The following SRGAP3 variants were observed in gnomAD, a reference collection of about 807,000 sequenced individuals.
SRGAP3 encodes the protein SLIT-ROBO Rho GTPase activating protein 3.
Under a neutral mutation model 121.1 loss-of-function variants are expected in SRGAP3, and 39 were observed. The ratio of observed to expected loss-of-function variants is 0.32; its 90% confidence interval spans 0.25 to 0.42. The LOEUF is 0.42. Among genes scored for constraint, SRGAP3 ranks in the 10% least tolerant of loss-of-function variants. SRGAP3 has a pLI of 1.00. For synonymous variants in SRGAP3, 601 were observed against 570.0 expected (o/e 1.05, Z -0.77); for missense variants, 1,213 against 1,470.6 (o/e 0.82, Z 2.86).
intron 2 of SRGAP3, among the ~76,000 whole-genome samples, chr3:9,108,180 G>C (rs964982720): frequency 1.3e-5 from 2 of 152,146 alleles, no homozygotes; most frequent in African/African-American, 4.8e-5. Context: ...AACCTGTCCT[G>C]TACACTAGAA....
chr3:9,343,320 G>C (rs1286757040), intron 1 of SRGAP3, among the ~76,000 whole-genome samples: 1 of 152,098 alleles, frequency 6.6e-6, no homozygotes, highest in East Asian at 1.9e-4. Context: ...AGTCCTCGTA[G>C]GGCTGTTGAA....
chr3:9,006,950 G>C (rs1180212586), intron 18 of SRGAP3: 1 of 139,302 alleles, frequency 7.2e-6, no homozygotes, highest in Non-Finnish European at 1.5e-5. Context: ...GTTGGGTATA[G>C]AATCTTTTTT....
At chr3:9,221,976 A>C (rs1271596911) in intron 1 of SRGAP3, among the ~76,000 whole-genome samples, 1 of 152,200 alleles carries the variant, frequency 6.6e-6, no homozygotes, top group Non-Finnish European at 1.5e-5. Flanking sequence ...CCAGGGCAGG[A>C]CTGTAGTAGC....
intron 12 of SRGAP3, among the ~76,000 whole-genome samples, chr3:9,029,504 C>T (rs577862649): frequency 6.6e-6 from 1 of 152,260 alleles, no homozygotes; most frequent in African/African-American, 2.4e-5. Flanking sequence ...TGATTATGAA[C>T]CCAGGGGATG....
chr3:9,210,820 A>C (rs1952422213), intron 1 of SRGAP3, among the ~76,000 whole-genome samples: 1 of 152,140 alleles, frequency 6.6e-6, no homozygotes, highest in Non-Finnish European at 1.5e-5. Flanking sequence ...ACAGAGCGAG[A>C]CTCTGTCTCA....
chr3:9,159,985 T>G (rs903854909), intron 1 of SRGAP3, among the ~76,000 whole-genome samples: 3 of 152,214 alleles, frequency 2.0e-5, no homozygotes, highest in Non-Finnish European at 2.9e-5. Flanking sequence ...TGCCTCAGGA[T>G]GCTTTCCAAA....
rs550533207 is a variant in SRGAP3, at chr3:9,006,799, G to A, written c.2227+3509C>T. On this transcript the variant is annotated intron_variant, in intron 18 of 21. Transcript: ENST00000383836. Reference sequence around the variant, plus strand: ...TAGCTTCCAATTAATAAAGTTGTTAGTGACAGGCTGCCTTCATTTTTTCAT... The same window carrying A: ...TAGCTTCCAATTAATAAAGTTGTTAATGACAGGCTGCCTTCATTTTTTCAT... 3.3e-5 allele frequency among the ~76,000 whole-genome samples: 5 copies of A among 152,174 alleles called. No homozygotes were observed. The South Asian group carries it at 8.3e-4, about 25-fold the overall frequency.
At chr3:9,224,212 G>T (rs933270647) in intron 1 of SRGAP3, among the ~76,000 whole-genome samples, 2 of 152,190 alleles carry the variant, frequency 1.3e-5, no homozygotes, top group Non-Finnish European at 2.9e-5. Flanking sequence ...TTAGACATGA[G>T]ACTTGGCTGT....
chr3:9,062,548 C>T (rs1274932773), intron 5 of SRGAP3, among the ~76,000 whole-genome samples: 3 of 152,140 alleles, frequency 2.0e-5, no homozygotes, highest in Non-Finnish European at 4.4e-5. Flanking sequence ...CTTCTTTAGC[C>T]CCTGGAAACC....
chr3:9,341,587 G>A (rs1223125483), intron 1 of SRGAP3, among the ~76,000 whole-genome samples: 1 of 152,170 alleles, frequency 6.6e-6, no homozygotes, highest in African/African-American at 2.4e-5. Context: ...ACCTGAGCAG[G>A]GTGCAGGTCA....
intron 3 of SRGAP3, among the ~76,000 whole-genome samples, chr3:9,308,665 C>T (rs1248737191): frequency 2.0e-5 from 3 of 152,198 alleles, no homozygotes; most frequent in African/African-American, 7.2e-5. Context: ...CATGTTTGCA[C>T]AGCACCTTAA....
chr3:9,138,115 A>T (rs1279410208), intron 1 of SRGAP3, among the ~76,000 whole-genome samples: 1 of 152,256 alleles, frequency 6.6e-6, no homozygotes, highest in Non-Finnish European at 1.5e-5. Context: ...AATAGAAGTC[A>T]GAGAACTGGG....
At chr3:9,357,932 T>C (rs957566307) in intron 1 of SRGAP3, among the ~76,000 whole-genome samples, 1 of 151,966 alleles carries the variant, frequency 6.6e-6, no homozygotes, top group African/African-American at 2.4e-5. Context: ...TGGAATGCAG[T>C]GGCACAATCC....
At chr3:9,056,517 AC>A (rs1945830696) in intron 7 of SRGAP3, among the ~76,000 whole-genome samples, 183 bp from the exon 8 acceptor site, 1 of 152,184 alleles carries the variant, frequency 6.6e-6, no homozygotes, top group Non-Finnish European at 1.5e-5. Context: ...CCAGATGAGA[AC>A]CGGGGTCTTC....
intron 12 of SRGAP3, among the ~76,000 whole-genome samples, chr3:9,027,589 C>G (rs968198605): frequency 1.3e-5 from 2 of 152,156 alleles, no homozygotes; most frequent in African/African-American, 4.8e-5. Context: ...TAGAGGCAGC[C>G]GATGTCAGCC....
intron 1 of SRGAP3, among the ~76,000 whole-genome samples, chr3:9,178,989 C>A (rs1189924023): frequency 6.6e-6 from 1 of 152,184 alleles, no homozygotes; most frequent in Admixed American, 6.5e-5. Context: ...TCTTACCTGA[C>A]CCCATTCTCC....
rs1170725712 is a variant in SRGAP3 at position 8,990,502 on chromosome 3, T to G, written c.2886+10A>C. ...TTGGCTGCCCAGCCTGCCTTCCCGCTGGCCCTTACTTCTGCCAGGGCCTCG... is the reference window on the plus strand; with the variant it reads ...TTGGCTGCCCAGCCTGCCTTCCCGCGGGCCCTTACTTCTGCCAGGGCCTCG... On this transcript the variant is annotated intron_variant, in intron 21 of 21. Transcript: ENST00000383836. The G allele has an allele frequency of 2.6e-6, 4 of 1,551,672 alleles. No individual in the cohort carries two copies. The Admixed American group carries it at 7.8e-5, about 30-fold the overall frequency.
At chr3:9,350,379 AG>A (rs2030064306) in intron 1 of SRGAP3, among the ~76,000 whole-genome samples, 1 of 152,224 alleles carries the variant, frequency 6.6e-6, no homozygotes. Context: ...AGAGAGGGAA[AG>A]GATATGTATG....
At chr3:9,289,689 C>T (rs1954840451) in intron 3 of SRGAP3, among the ~76,000 whole-genome samples, 1 of 152,258 alleles carries the variant, frequency 6.6e-6, no homozygotes, top group Admixed American at 6.5e-5. Flanking sequence ...ATTACCATTA[C>T]ACTTGGCTAT....
Sources: gnomAD v4.1 joint callset for allele counts (sites outside exome capture counted in the v4.1 genomes callset) on GRCh38, gnomAD v4.1.1 for gene constraint, MANE v1.5 for transcripts, NCBI Gene and HGNC (gene_info 2026-07-23, HGNC 2026-07-21) for gene names.